The following CYP2C18 variants were observed in gnomAD, a reference collection of about 807,000 sequenced individuals.
The protein encoded by CYP2C18 is cytochrome P450 family 2 subfamily C member 18, also known as cytochrome P450 2C18.
Under a neutral mutation model 41.3 loss-of-function variants are expected in CYP2C18, and 38 were observed. That is an observed-to-expected ratio of 0.92 (90% CI 0.71 to 1.21). The LOEUF is 1.21. CYP2C18 is among the 50% of genes most tolerant of loss of function. The probability of loss-of-function intolerance (pLI) is 0.00; values close to 1 mark genes in which losing one functional copy is unlikely to be tolerated. For missense variants in CYP2C18, 635 were observed against 591.4 expected, an observed-to-expected ratio of 1.07 and a Z score of -0.77; for synonymous variants, 236 against 210.0, an observed-to-expected ratio of 1.12 and a Z score of -1.07.
chr10:94,733,479 A>G, intron 8 of CYP2C18, 41 bp downstream of exon 8: 2 of 1,608,294 alleles, frequency 1.2e-6, no homozygotes, highest in Non-Finnish European at 1.7e-6. Flanking sequence ...AGGGCACATG[A>G]TACCTTTTTG....
At chr10:94,698,619 A>G (rs1847169990) in intron 4 of CYP2C18, among the ~76,000 whole-genome samples, 1 of 152,252 alleles carries the variant, frequency 6.6e-6, no homozygotes, top group African/African-American at 2.4e-5. Context: ...AAGGCAAGAA[A>G]TAACTAAGAT....
intron 3 of CYP2C18, among the ~76,000 whole-genome samples, chr10:94,688,771 G>A (rs1034168230): frequency 2.0e-5 from 3 of 152,216 alleles, no homozygotes; most frequent in East Asian, 3.9e-4. Flanking sequence ...AATTTAGAAG[G>A]TTTTGTCTCA....
intron 3 of CYP2C18, among the ~76,000 whole-genome samples, 196 bp from the exon 4 acceptor site, chr10:94,694,721 G>C (rs1847080023): frequency 6.6e-6 from 1 of 152,152 alleles, no homozygotes; most frequent in Non-Finnish European, 1.5e-5. Flanking sequence ...TATTAAACAA[G>C]CTAGGGTGGA....
At chr10:94,707,435 A>T (rs545027487) in intron 5 of CYP2C18, among the ~76,000 whole-genome samples, 4 of 152,252 alleles carry the variant, frequency 2.6e-5, no homozygotes, top group Admixed American at 2.6e-4. Flanking sequence ...TGGCAAAGAG[A>T]TGGAAAAGGG....
chr10:94,725,687 T>C (rs970428785), intron 7 of CYP2C18, among the ~76,000 whole-genome samples: 1 of 152,136 alleles, frequency 6.6e-6, no homozygotes, highest in African/African-American at 2.4e-5. Flanking sequence ...TACAATTTGA[T>C]CAAATGGAGT....
intron 7 of CYP2C18, among the ~76,000 whole-genome samples, chr10:94,731,857 G>C (rs1292241444): frequency 5.3e-5 from 8 of 152,000 alleles, no homozygotes; most frequent in Non-Finnish European, 7.4e-5. Flanking sequence ...CAAACTATAA[G>C]AATTGCAAAA....
chr10:94,690,293 G>A (rs560629639), intron 3 of CYP2C18, among the ~76,000 whole-genome samples: 4 of 152,070 alleles, frequency 2.6e-5, no homozygotes, highest in African/African-American at 9.7e-5. Flanking sequence ...TTTCAGCTTG[G>A]ATTACAAATT....
chr10:94,716,563 T>A (rs930525527), intron 5 of CYP2C18, among the ~76,000 whole-genome samples: 1 of 152,204 alleles, frequency 6.6e-6, no homozygotes, highest in African/African-American at 2.4e-5. Context: ...TTATAATTTC[T>A]GTTTTTTTAC....
intron 7 of CYP2C18, among the ~76,000 whole-genome samples, chr10:94,727,847 C>G (rs1452477223): frequency 6.6e-6 from 1 of 152,064 alleles, no homozygotes; most frequent in East Asian, 1.9e-4. Flanking sequence ...ATTTATCTAT[C>G]ATCTATCTAC....
At chr10:94,714,184 A>T (rs1355616885) in intron 5 of CYP2C18, among the ~76,000 whole-genome samples, 6 of 152,128 alleles carry the variant, frequency 3.9e-5, no homozygotes, top group African/African-American at 1.4e-4. Context: ...TAGTTTAATT[A>T]GATCCCATTT....
intron 1 of CYP2C18, among the ~76,000 whole-genome samples, chr10:94,684,459 T>C (rs1846847655): frequency 6.6e-6 from 1 of 152,178 alleles, no homozygotes; most frequent in Admixed American, 6.6e-5. Flanking sequence ...GATATTTGCC[T>C]CTCTCTGCCT....
Position 94,733,303 on chromosome 10 carries a change from A to G in CYP2C18, c.1156A>G (p.Thr386Ala), listed in dbSNP as rs771494275. ...TCTGTTTTGCTATTTTCAGGGCACG[A>G]CCATAATAACATCCCTGACTTCTGT... The part of the protein sequence containing the change: ...FKNYLIPKGT[T>A]IITSLTSVLH... Residue 386 changes from threonine to alanine, a missense_variant, in exon 8 of 9, where the codon ACC becomes GCC. Coordinates refer to ENST00000285979, the MANE Select transcript of CYP2C18 (RefSeq NM_000772.3). 24 of 1,612,570 alleles carry G rather than the reference A, an allele frequency of 1.5e-5. No individual in the cohort carries two copies. The highest frequency in any genetic ancestry group is 3.3e-5 in the Admixed American group (2 of 59,858).
intron 3 of CYP2C18, among the ~76,000 whole-genome samples, chr10:94,691,652 T>G (rs1280338060): frequency 2.6e-5 from 4 of 152,204 alleles, no homozygotes; most frequent in Admixed American, 6.5e-5. Context: ...ATGACTTTCT[T>G]CACAGAATTG....
chr10:94,709,538 C>T (rs924719171), intron 5 of CYP2C18, among the ~76,000 whole-genome samples: 1 of 152,016 alleles, frequency 6.6e-6, no homozygotes, highest in African/African-American at 2.4e-5. Context: ...GATATTTTCT[C>T]CCATTTTGTC....
intron 4 of CYP2C18, among the ~76,000 whole-genome samples, chr10:94,695,983 G>A (rs1009049534): frequency 6.6e-6 from 1 of 152,212 alleles, no homozygotes; most frequent in African/African-American, 2.4e-5. Context: ...AAAGTGGCCG[G>A]GAAGCTGGAA....
At position 94,724,522 on chromosome 10, in the gene CYP2C18, C is replaced by T. The variant is rs1564648078; in HGVS notation, c.1138C>T (p.Leu380Phe). Residue 380 changes from leucine to phenylalanine, a missense_variant, in exon 7 of 9, where the codon CTC becomes TTC. Physicochemically the swap from Leu to Phe is conservative, Grantham distance 22. Coordinates refer to ENST00000285979, the MANE Select transcript of CYP2C18 (RefSeq NM_000772.3). ...VTCDVKFKNY[L>F]IPKGTTIITS... ...CTGTGATGTTAAATTCAAAAACTAC[C>T]TCATCCCCAAGGTAAGCTTGTTTCT... is the stretch of plus-strand genomic sequence containing the variant. 6.2e-7 allele frequency: 1 copy of T among 1,613,372 alleles called. No individual in the cohort carries two copies. The highest frequency in any genetic ancestry group is 8.5e-7 in the Non-Finnish European group (1 of 1,179,498).
intron 3 of CYP2C18, among the ~76,000 whole-genome samples, chr10:94,689,557 C>T (rs1473052905): frequency 6.6e-6 from 1 of 152,102 alleles, no homozygotes; most frequent in Non-Finnish European, 1.5e-5. Flanking sequence ...ATACAGTTGT[C>T]CCTCCTTATC....
chr10:94,697,354 C>A (rs976403064), intron 4 of CYP2C18, among the ~76,000 whole-genome samples: 3 of 152,154 alleles, frequency 2.0e-5, no homozygotes, highest in African/African-American at 7.2e-5. Context: ...GAATTTTCAA[C>A]CCAGAATTTC....
At chr10:94,712,986 T>A (rs890971776) in intron 5 of CYP2C18, among the ~76,000 whole-genome samples, 4 of 152,202 alleles carry the variant, frequency 2.6e-5, no homozygotes, top group Non-Finnish European at 5.9e-5. Flanking sequence ...GTATGTCTTC[T>A]TTTTAGAAAT....
Sources: gnomAD v4.1 joint callset for allele counts (sites outside exome capture counted in the v4.1 genomes callset) on GRCh38, gnomAD v4.1.1 for gene constraint, MANE v1.5 for transcripts, NCBI Gene and HGNC (gene_info 2026-07-23, HGNC 2026-07-21) for gene names.